The following IRS1 variants were observed in gnomAD, a reference collection of about 807,000 sequenced individuals.
IRS1 encodes insulin receptor substrate 1.
In IRS1, 34 loss-of-function variants were observed where a neutral mutation model predicts 65.6. That is an observed-to-expected ratio of 0.52 (90% CI 0.39 to 0.69). The LOEUF is 0.69. Ranked by LOEUF, IRS1 falls within the 30% of genes least tolerant of loss-of-function variation. IRS1 has a pLI of 0.00. For missense variants in IRS1, 1,641 were observed against 1,720.2 expected, an observed-to-expected ratio of 0.95 and a Z score of 0.81; for synonymous variants, 699 against 683.5, an observed-to-expected ratio of 1.02 and a Z score of -0.35.
intron 1 of IRS1, among the ~76,000 whole-genome samples, chr2:226,756,767 TC>T (rs1938812039): frequency 6.6e-6 from 1 of 151,990 alleles, no homozygotes; most frequent in Non-Finnish European, 1.5e-5. Context: ...ATAGAGACCA[TC>T]CTGGCCAACA....
rs1200846995 is a variant in IRS1 at position 226,735,810 on chromosome 2, A to C, written c.*462T>G. The C allele has an allele frequency of 6.5e-6, 1 of 152,700 alleles. No homozygotes were observed. Among genetic ancestry groups the C allele is most frequent in the Admixed American group, 6.5e-5 (1 of 15,290 alleles). The allele number at this position is 152,700 out of a possible 1,614,324, so 9.5% of individuals were successfully genotyped here. On this transcript the variant is annotated 3_prime_UTR_variant, in exon 2 of 2. Coordinates refer to ENST00000305123, the MANE Select transcript of IRS1 (RefSeq NM_005544.3). ...ACACATATAAATCAAAACCTATGTT[A>C]AATATTTAATACTCTCTCCACCCAA...
In IRS1 at chr2:226,794,087, C is replaced by T. The variant is rs1310498182; in HGVS notation, c.*21+902G>A. Among the ~76,000 whole-genome samples the T allele has an allele frequency of 1.3e-5, 2 of 152,208 alleles. No individual in the cohort carries two copies. The highest frequency in any genetic ancestry group is 4.8e-5 in the African/African-American group (2 of 41,446). On this transcript the variant is annotated intron_variant, in intron 1 of 1. Transcript: ENST00000305123. This position sits in a 1 kb window ranked among gnomAD's most constrained non-coding sequence, Gnocchi z 4.1. Reference sequence around the variant, plus strand: ...GCATGTTCCTGACTTAGTATGCATTCTTCTCAACAAATAAAAGTAATTTTA... The same window carrying T: ...GCATGTTCCTGACTTAGTATGCATTTTTCTCAACAAATAAAAGTAATTTTA...
At chr2:226,746,198 G>A (rs1468864748) in intron 1 of IRS1, among the ~76,000 whole-genome samples, 1 of 152,044 alleles carries the variant, frequency 6.6e-6, no homozygotes, top group African/African-American at 2.4e-5. Flanking sequence ...ACTACTGAAA[G>A]TATTTACAAA....
Position 226,796,831 on chromosome 2 carries a change from G to T in IRS1, c.1908C>A (p.Ser636Arg), listed in dbSNP as rs1939739170. 1 of 1,558,646 alleles carries T rather than the reference G, an allele frequency of 6.4e-7. No homozygotes were observed. The highest frequency in any genetic ancestry group is 1.4e-5 in the African/African-American group (1 of 73,564). Reference protein sequence around the residue: ...RKGSGDYMPMSPKSVSAPQQI... With the variant: ...RKGSGDYMPMRPKSVSAPQQI... The stretch of plus-strand genomic sequence containing the variant: ...GCTGTGGGGCAGATACGCTCTTGGG[G>T]CTCATGGGCATATAGTCTCCACTGC... The change falls in exon 1 of 2, where the codon AGC (serine) becomes AGA (arginine). Residue 636 changes from serine (S) to arginine (R), a missense_variant. By Grantham distance (110) the Ser-to-Arg change is moderately radical (BLOSUM62 -1). Transcript: ENST00000305123.
intron 1 of IRS1, among the ~76,000 whole-genome samples, chr2:226,749,282 A>G (rs1396883594): frequency 6.6e-6 from 1 of 152,172 alleles, no homozygotes; most frequent in Non-Finnish European, 1.5e-5. Context: ...AGTTGTGGCC[A>G]GGCAAACGTC....
Position 226,796,817 on chromosome 2 carries a change from G to C in IRS1, c.1922C>G (p.Ser641Cys). The C allele has an allele frequency of 6.4e-6, 10 of 1,566,892 alleles. No homozygotes were observed. The highest frequency in any genetic ancestry group is 7.8e-6 in the Non-Finnish European group (9 of 1,154,172). The change falls in exon 1 of 2, where the codon TCT becomes TGT. Residue 641 changes from serine (S) to cysteine (C), a missense_variant. By Grantham distance (112) the Ser-to-Cys change is moderately radical. Coordinates refer to ENST00000305123, the MANE Select transcript of IRS1 (RefSeq NM_005544.3). ...GGGATTGATGATCTGCTGTGGGGCA[G>C]ATACGCTCTTGGGGCTCATGGGCAT... The part of the protein sequence containing the change: ...DYMPMSPKSV[S>C]APQQIINPIR...
intron 1 of IRS1, among the ~76,000 whole-genome samples, chr2:226,791,615 G>A (rs1371524316): frequency 6.6e-6 from 1 of 151,946 alleles, no homozygotes; most frequent in East Asian, 1.9e-4. Flanking sequence ...CAGGCAGGGT[G>A]GCAGAAAGCG....
Position 226,756,835 on chromosome 2 carries a change from G to C in IRS1, c.*22-20585C>G, listed in dbSNP as rs181477011. 4.4e-3 allele frequency among the ~76,000 whole-genome samples: 672 copies of C among 152,158 alleles called. 5 individuals are homozygous for C. Among genetic ancestry groups the C allele is most frequent in the African/African-American group, 0.015 (637 of 41,550 alleles). On this transcript the variant is annotated intron_variant, in intron 1 of 1. Coordinates refer to ENST00000305123, the MANE Select transcript of IRS1 (RefSeq NM_005544.3). ...AAATTAGCTGGGCACGATGGCGTGC[G>C]CCTGTGGTCCCAGCTACTCGGGAGG...
intron 1 of IRS1, among the ~76,000 whole-genome samples, chr2:226,786,496 AT>A (rs1939488708): frequency 1.3e-5 from 2 of 152,158 alleles, no homozygotes; most frequent in South Asian, 4.1e-4. Context: ...GCAGTTGGGC[AT>A]TTAACCAACT....
At chr2:226,737,373 C>G (rs1466769649) in intron 1 of IRS1, among the ~76,000 whole-genome samples, 2 of 152,108 alleles carry the variant, frequency 1.3e-5, no homozygotes, top group African/African-American at 4.8e-5. Context: ...TCCTTTTCAA[C>G]CTCATAAAGC....
chr2:226,785,386 T>A (rs776140089), intron 1 of IRS1, among the ~76,000 whole-genome samples: 13 of 152,154 alleles, frequency 8.5e-5, no homozygotes, highest in Admixed American at 1.3e-4. Flanking sequence ...GTGGATCACT[T>A]GAGGTCAGGA....
chr2:226,767,783 G>C (rs1308113761), intron 1 of IRS1, among the ~76,000 whole-genome samples: 2 of 152,140 alleles, frequency 1.3e-5, no homozygotes, highest in Non-Finnish European at 2.9e-5. Context: ...GGGTAGAGGT[G>C]GCTTTAGTTC....
rs1939729800 is a variant in IRS1 at position 226,796,505 on chromosome 2, C to G, written c.2234G>C (p.Ser745Thr). ...AGGGCCGTAGTAGCAGTCGGAGGGG[C>G]TGCTGGTGTTGGAGTCCCCCACTGG... ...MSPVGDSNTS[S>T]PSDCYYGPED... Residue 745 changes from serine to threonine, a missense_variant, in exon 1 of 2, where the codon AGC becomes ACC. Coordinates refer to ENST00000305123, the MANE Select transcript of IRS1 (RefSeq NM_005544.3). 6.2e-7 allele frequency: 1 copy of G among 1,613,942 alleles called. No homozygotes were observed.
chr2:226,743,903 G>C (rs999965805), intron 1 of IRS1, among the ~76,000 whole-genome samples: 4 of 152,298 alleles, frequency 2.6e-5, no homozygotes, highest in East Asian at 1.9e-4. Context: ...AAGGGAATCA[G>C]GCAGAGCCTA....
At chr2:226,763,690 G>A (rs1938966974) in intron 1 of IRS1, among the ~76,000 whole-genome samples, 1 of 152,042 alleles carries the variant, frequency 6.6e-6, no homozygotes, top group Non-Finnish European at 1.5e-5. Context: ...TGGTTTCTGT[G>A]ATACTAGTCA....
At chr2:226,744,608 G>T (rs960809758) in intron 1 of IRS1, among the ~76,000 whole-genome samples, 7 of 152,216 alleles carry the variant, frequency 4.6e-5, no homozygotes, top group Admixed American at 3.3e-4. Flanking sequence ...TGTCAGATCA[G>T]CAGCGGCATT....
chr2:226,786,989 A>G (rs895343002), intron 1 of IRS1, among the ~76,000 whole-genome samples: 1 of 152,146 alleles, frequency 6.6e-6, no homozygotes, highest in East Asian at 1.9e-4. Flanking sequence ...CCCAAAGGAA[A>G]AAAAAGAAAA....
At chr2:226,739,010 C>A (rs1419841412) in intron 1 of IRS1, among the ~76,000 whole-genome samples, 2 of 152,094 alleles carry the variant, frequency 1.3e-5, no homozygotes, top group East Asian at 3.9e-4. Context: ...AGGACAGAGA[C>A]CCAGGGCCCT....
rs904290040 is a variant in IRS1, at chr2:226,732,491, T to TACAC, written c.*3777_*3780dup. Reference sequence around the variant, plus strand: ...ATCTATATATATATATATATATATATACACACACACACATATGTGTATCTA... The same window carrying TACAC: ...ATCTATATATATATATATATATATATACACACACACACACACATATGTGTATCTA... On this transcript the variant is annotated 3_prime_UTR_variant, in exon 2 of 2. Coordinates refer to ENST00000305123, the MANE Select transcript of IRS1 (RefSeq NM_005544.3). 27 of 145,682 alleles carry TACAC rather than the reference T, an allele frequency of 1.9e-4. No homozygotes were observed. Among genetic ancestry groups the TACAC allele is most frequent in the Non-Finnish European group, 3.4e-4 (23 of 66,754 alleles). 9.0% of individuals were successfully genotyped at this position (145,682 alleles called of 1,614,324 possible).
Sources: gnomAD v4.1 joint callset for allele counts (sites outside exome capture counted in the v4.1 genomes callset) on GRCh38, gnomAD v4.1.1 for gene constraint, Gnocchi (gnomAD v3.1) non-coding constraint, MANE v1.5 for transcripts, NCBI Gene and HGNC (gene_info 2026-07-23, HGNC 2026-07-21) for gene names.